PDE4D: variants seen among roughly 807,000 people sequenced by gnomAD.
PDE4D encodes the protein phosphodiesterase 4D, also known as 3',5'-cyclic-AMP phosphodiesterase 4D.
PDE4D carries 24 observed loss-of-function variants against 87.4 expected under a neutral mutation model. The ratio of observed to expected loss-of-function variants is 0.27; its 90% CI spans 0.20 to 0.39. The LOEUF is 0.39. Ranked by LOEUF, PDE4D falls within the 10% of genes least tolerant of loss-of-function variation. The pLI is 1.00. For missense variants in PDE4D, 714 were observed against 1,041.0 expected, an observed-to-expected ratio of 0.69 and a Z score of 4.32; for synonymous variants, 384 against 383.2, an observed-to-expected ratio of 1.00 and a Z score of -0.02.
chr5:59,224,732 T>A (rs1753360855), intron 1 of PDE4D, among the ~76,000 whole-genome samples: 2 of 152,158 alleles, frequency 1.3e-5, no homozygotes, highest in South Asian at 4.1e-4. Context: ...GATGAGGCCC[T>A]AATCCAATAG....
chr5:59,264,208 C>A (rs1762482355), intron 1 of PDE4D, among the ~76,000 whole-genome samples: 1 of 151,986 alleles, frequency 6.6e-6, no homozygotes, highest in Non-Finnish European at 1.5e-5. Flanking sequence ...CAATGGATCA[C>A]AGCACATTTT....
intron 1 of PDE4D, among the ~76,000 whole-genome samples, chr5:60,465,881 T>TGAAAA (rs1385254827): frequency 7.4e-6 from 1 of 136,018 alleles, no homozygotes; most frequent in African/African-American, 2.7e-5. Flanking sequence ...GCAGTGAAAG[T>TGAAAA]GAAAAAAAAA....
chr5:60,017,814 T>C (rs967768998), intron 2 of PDE4D, among the ~76,000 whole-genome samples: 1 of 152,214 alleles, frequency 6.6e-6, no homozygotes, highest in Admixed American at 6.5e-5. Context: ...ATATACCCAG[T>C]AATGGGATTG....
intron 2 of PDE4D, among the ~76,000 whole-genome samples, chr5:60,084,901 G>A (rs1227541034): frequency 6.6e-6 from 1 of 152,130 alleles, no homozygotes; most frequent in Non-Finnish European, 1.5e-5. Flanking sequence ...GGAAATTTAA[G>A]CCTGATTGAT....
intron 1 of PDE4D, among the ~76,000 whole-genome samples, chr5:60,512,032 G>A (rs1750599315): frequency 6.6e-6 from 1 of 152,070 alleles, no homozygotes; most frequent in Non-Finnish European, 1.5e-5. Flanking sequence ...ACCCAAAACT[G>A]AGAATATTCA....
intron 1 of PDE4D, among the ~76,000 whole-genome samples, chr5:59,547,165 A>G (rs767175072): frequency 1.3e-5 from 2 of 152,220 alleles, no homozygotes; most frequent in Admixed American, 6.5e-5. Flanking sequence ...AGATAAAATA[A>G]GGAGTAAAAA....
chr5:59,342,698 T>C (rs958834845), intron 1 of PDE4D, among the ~76,000 whole-genome samples: 1 of 152,132 alleles, frequency 6.6e-6, no homozygotes, highest in Admixed American at 6.5e-5. Context: ...AATCCATTTG[T>C]GTGTAGGCAT....
intron 1 of PDE4D, among the ~76,000 whole-genome samples, chr5:59,660,639 C>A (rs959517962): frequency 1.3e-5 from 2 of 152,060 alleles, no homozygotes; most frequent in African/African-American, 4.8e-5. Context: ...GGAATTCAAA[C>A]CCCTGGGACT....
rs374022316 is a variant in PDE4D, at chr5:60,303,099, G to C, written c.-89-117412C>G. ...TCACCTAGGCCTCCCCAAGTACTGG[G>C]ATTACAGGCGTGAGCCACCGTGCCC... On this transcript the variant is annotated intron_variant, in intron 1 of 16. Transcript: ENST00000502484. Among the ~76,000 whole-genome samples, 18 of 152,210 alleles carry C rather than the reference G, an allele frequency of 1.2e-4. No individual in the cohort carries two copies. In the East Asian group the frequency reaches 2.3e-3, roughly 20 times the overall value.
intron 2 of PDE4D, among the ~76,000 whole-genome samples, chr5:60,002,527 C>T (rs1764112370): frequency 6.6e-6 from 1 of 152,070 alleles, no homozygotes; most frequent in Non-Finnish European, 1.5e-5. Context: ...AAACAAAATA[C>T]TAGCAAACTG....
intron 1 of PDE4D, among the ~76,000 whole-genome samples, chr5:60,236,563 CAGT>C (rs1258800150): frequency 6.6e-6 from 1 of 151,882 alleles, no homozygotes; most frequent in African/African-American, 2.4e-5. Flanking sequence ...TCCTCAGAAC[CAGT>C]TATTCTGGCA....
rs1476891831 is a variant in PDE4D at position 59,213,219 on chromosome 5, C to T, written c.647+2558G>A. On this transcript the variant is annotated intron_variant, in intron 2 of 14. Coordinates refer to ENST00000340635, the MANE Select transcript of PDE4D (RefSeq NM_001104631.2). Reference sequence around the variant, plus strand: ...TTCCTCTGTCACCCAGGCTGGACTGCAGTGGCATGATCGTAGCTCACTGCA... The same window carrying T: ...TTCCTCTGTCACCCAGGCTGGACTGTAGTGGCATGATCGTAGCTCACTGCA... Among the ~76,000 whole-genome samples, 4 of 150,814 alleles carry T rather than the reference C, an allele frequency of 2.7e-5. No homozygotes were observed. In the East Asian group the frequency reaches 7.9e-4, roughly 30 times the overall value.
intron 1 of PDE4D, among the ~76,000 whole-genome samples, chr5:59,557,433 C>T (rs1010587911): frequency 6.6e-6 from 1 of 151,836 alleles, no homozygotes; most frequent in Non-Finnish European, 1.5e-5. Context: ...CTTTATATGC[C>T]ACCCCTGCCG....
chr5:60,363,721 T>A (rs1337097907), intron 1 of PDE4D, among the ~76,000 whole-genome samples: 1 of 152,016 alleles, frequency 6.6e-6, no homozygotes. Flanking sequence ...GAGACCCAAA[T>A]GAAAAGAAGC....
Position 59,911,915 on chromosome 5 carries a change from T to A in PDE4D, c.272+76573A>T, listed in dbSNP as rs374313876. On this transcript the variant is annotated intron_variant, in intron 3 of 16. Transcript: ENST00000502484. ...CATAGGAATAATTTCTCTGTTTAAA[T>A]GGATAATTTATTTTTTGTATAAATT... 1.4e-4 allele frequency among the ~76,000 whole-genome samples: 21 copies of A among 152,344 alleles called. No individual in the cohort carries two copies. The East Asian group carries it at 2.7e-3, about 20-fold the overall frequency.
intron 1 of PDE4D, among the ~76,000 whole-genome samples, chr5:59,258,746 C>A (rs962991487): frequency 6.7e-6 from 1 of 148,152 alleles, no homozygotes; most frequent in Non-Finnish European, 1.5e-5. Flanking sequence ...TTAGAAATAT[C>A]AGACATTTCA....
rs191721360 is a variant in PDE4D at position 59,865,824 on chromosome 5, C to A, written c.455+27344G>T. Among the ~76,000 whole-genome samples, 6 of 152,230 alleles carry A rather than the reference C, an allele frequency of 3.9e-5. No homozygotes were observed. In the East Asian group the frequency reaches 9.7e-4, roughly 25 times the overall value. ...TAAAATGTAAGTTCTGCTATTACCACTGATGAGGAAACTGAGTCAGAGATA... is the reference window on the plus strand; with the variant it reads ...TAAAATGTAAGTTCTGCTATTACCAATGATGAGGAAACTGAGTCAGAGATA... On this transcript the variant is annotated intron_variant, in intron 1 of 14. Coordinates refer to ENST00000340635, the MANE Select transcript of PDE4D (RefSeq NM_001104631.2).
chr5:59,209,349 C>T (rs542907707), intron 2 of PDE4D, among the ~76,000 whole-genome samples: 3 of 152,142 alleles, frequency 2.0e-5, no homozygotes, highest in African/African-American at 4.8e-5. Flanking sequence ...CCATGCCCAG[C>T]AAATTTTTGT....
Position 58,975,585 on chromosome 5 carries a change from T to C in PDE4D, c.2013+72A>G. 8.3e-7 allele frequency: 1 copy of C among 1,199,572 alleles called. No homozygotes were observed. Among genetic ancestry groups the C allele is most frequent in the Non-Finnish European group, 1.1e-6 (1 of 887,190 alleles). 74.3% of individuals were successfully genotyped at this position (1,199,572 alleles called of 1,614,324 possible). ...AAAAATCCAGTAAAATACTATCATATGTAATACAAAGTAACCAAATGCTAA... is the reference window on the plus strand; with the variant it reads ...AAAAATCCAGTAAAATACTATCATACGTAATACAAAGTAACCAAATGCTAA... On this transcript the variant is annotated intron_variant, in intron 14 of 14. Transcript: ENST00000340635. The surrounding 1 kb of genome is among the most constrained non-coding windows in gnomAD (Gnocchi z 4.2).
Sources: gnomAD v4.1 joint callset for allele counts (sites outside exome capture counted in the v4.1 genomes callset) on GRCh38, gnomAD v4.1.1 for gene constraint, Gnocchi (gnomAD v3.1) non-coding constraint, MANE v1.5 for transcripts, NCBI Gene and HGNC (gene_info 2026-07-23, HGNC 2026-07-21) for gene names.